Variants in SLC6A15 observed in about 807,000 individuals in gnomAD.
SLC6A15 encodes the protein sodium-dependent neutral amino acid transporter B(0)AT2.
A neutral mutation model predicts 68.5 loss-of-function variants in SLC6A15; 33 were observed. The observed-to-expected ratio is 0.48, with a 90% CI of 0.37 to 0.64. The LOEUF is 0.64. SLC6A15 is among the 30% of genes least tolerant of loss of function. The pLI, the probability that SLC6A15 is intolerant of heterozygous loss-of-function variation, is 0.00. For synonymous variants in SLC6A15, 347 were observed against 301.0 expected (o/e 1.15, Z -1.58); for missense variants, 747 against 874.3 (o/e 0.85, Z 1.84).
chr12:84,875,413 AC>A (rs1344441351), intron 6 of SLC6A15, among the ~76,000 whole-genome samples: 2 of 151,854 alleles, frequency 1.3e-5, no homozygotes, highest in Non-Finnish European at 2.9e-5. Flanking sequence ...CCAACTCAGA[AC>A]CACACACACA....
chr12:84,874,832 T>C (rs1871445960), intron 6 of SLC6A15, among the ~76,000 whole-genome samples: 1 of 152,338 alleles, frequency 6.6e-6, no homozygotes, highest in Non-Finnish European at 1.5e-5. Context: ...AAGTATTTGA[T>C]GTGCTTATGT....
Position 84,872,782 on chromosome 12 carries a change from C to A in SLC6A15, c.1122G>T (p.Thr374=). 6.2e-7 allele frequency: 1 copy of A among 1,601,740 alleles called. No individual in the cohort carries two copies. Among genetic ancestry groups the A allele is most frequent in the South Asian group, 1.1e-5 (1 of 88,082 alleles). The stretch of plus-strand genomic sequence containing the variant: ...TCCCCATTTTCAAAAATTTCATGAT[C>A]GTCTCTGAATTTCTGAAAAATAAAA... ...NEKCITQNSE[T]IMKFLKMGNI... Residue 374 remains threonine, a synonymous_variant, in exon 8 of 12, where the codon ACG becomes ACT. Coordinates refer to ENST00000266682, the MANE Select transcript of SLC6A15 (RefSeq NM_182767.6).
chr12:84,890,260 T>C (rs1372211362), intron 2 of SLC6A15, among the ~76,000 whole-genome samples: 4 of 152,218 alleles, frequency 2.6e-5, no homozygotes, highest in Non-Finnish European at 5.9e-5. Context: ...AGGAGCCATT[T>C]GTGCTAAGAA....
At chr12:84,910,630 A>C (rs1873391088) in intron 1 of SLC6A15, among the ~76,000 whole-genome samples, 2 of 152,072 alleles carry the variant, frequency 1.3e-5, no homozygotes, top group African/African-American at 4.8e-5. Flanking sequence ...CACGAGTTGG[A>C]CAAAGGCCTA....
intron 2 of SLC6A15, 149 bp downstream of exon 2, chr12:84,891,683 G>A (rs1394461738): frequency 2.6e-6 from 2 of 780,164 alleles, no homozygotes; most frequent in Non-Finnish European, 4.0e-6. Context: ...AACATATCTG[G>A]GCTCACTTCC....
intron 2 of SLC6A15, among the ~76,000 whole-genome samples, chr12:84,887,002 G>A (rs1361402489): frequency 6.6e-6 from 1 of 152,084 alleles, no homozygotes; most frequent in Non-Finnish European, 1.5e-5. Flanking sequence ...AAGTACAGTG[G>A]TGTGATCACT....
At chr12:84,895,705 GCA>G (rs957597172) in intron 1 of SLC6A15, among the ~76,000 whole-genome samples, 8 of 152,092 alleles carry the variant, frequency 5.3e-5, no homozygotes, top group African/African-American at 1.2e-4. Context: ...GACTTCTTGT[GCA>G]CAGTTTTCAT....
intron 4 of SLC6A15, among the ~76,000 whole-genome samples, chr12:84,884,994 T>G (rs2120641337): frequency 6.6e-6 from 1 of 152,046 alleles, no homozygotes; most frequent in East Asian, 1.9e-4. Flanking sequence ...GTGACTGCTC[T>G]TTATAATATT....
rs61734360 is a variant in SLC6A15 at position 84,873,136 on chromosome 12, C to A, written c.1060G>T (p.Ala354Ser). The change falls in exon 7 of 12, where the codon GCA becomes TCA. Residue 354 changes from alanine (A) to serine (S), a missense_variant. Coordinates refer to ENST00000266682, the MANE Select transcript of SLC6A15 (RefSeq NM_182767.6). Reference sequence around the variant, plus strand: ...ACATTTGCTTTGAAGCCCAGAACTGCAAACACCACCAATGTTGCCAGGACA... The same window carrying A: ...ACATTTGCTTTGAAGCCCAGAACTGAAAACACCACCAATGTTGCCAGGACA... ...TSVLATLVVF[A>S]VLGFKANVIN... 5.0e-6 allele frequency: 8 copies of A among 1,613,938 alleles called. No homozygotes were observed. Among genetic ancestry groups the A allele is most frequent in the African/African-American group, 4.0e-5 (3 of 74,892 alleles).
At chr12:84,895,948 GTA>G (rs1349418411) in intron 1 of SLC6A15, among the ~76,000 whole-genome samples, 1 of 152,120 alleles carries the variant, frequency 6.6e-6, no homozygotes, top group African/African-American at 2.4e-5. Flanking sequence ...TGCCAAAAAT[GTA>G]TTACAATTGT....
chr12:84,899,550 G>GT (rs1872764867), intron 1 of SLC6A15, among the ~76,000 whole-genome samples: 1 of 152,052 alleles, frequency 6.6e-6, no homozygotes, highest in Non-Finnish European at 1.5e-5. Flanking sequence ...TCATTGCCAA[G>GT]CATCCCATTG....
chr12:84,881,363 G>T, intron 5 of SLC6A15: 1 of 720,262 alleles, frequency 1.4e-6, no homozygotes, highest in Non-Finnish European at 1.7e-6. Context: ...CCCACTATTT[G>T]ATCATAGTTT....
At chr12:84,886,220 T>C (rs1387995544) in intron 2 of SLC6A15, 152 bp from the exon 3 acceptor site, 2 of 437,238 alleles carry the variant, frequency 4.6e-6, no homozygotes, top group Non-Finnish European at 7.8e-6. Flanking sequence ...CTTTGCACTT[T>C]CTAGATTCTG....
intron 1 of SLC6A15, among the ~76,000 whole-genome samples, chr12:84,912,257 C>T (rs943795725): frequency 2.0e-5 from 3 of 152,142 alleles, no homozygotes; most frequent in African/African-American, 7.2e-5. Flanking sequence ...CGTTTCAACC[C>T]ATGTGCTTCC....
At chr12:84,900,150 A>T (rs1872794845) in intron 1 of SLC6A15, among the ~76,000 whole-genome samples, 1 of 151,966 alleles carries the variant, frequency 6.6e-6, no homozygotes, top group South Asian at 2.1e-4. Context: ...CATGTCTTTA[A>T]TTTCTCTCAA....
intron 1 of SLC6A15, among the ~76,000 whole-genome samples, chr12:84,911,033 G>T (rs942680349): frequency 6.6e-6 from 1 of 151,938 alleles, no homozygotes; most frequent in Non-Finnish European, 1.5e-5. Context: ...TATTAAGAAC[G>T]TACAAGTCAA....
chr12:84,862,086 T>C lies in SLC6A15; in HGVS notation c.1819-80A>G, dbSNP rs1870878838. The C allele has an allele frequency of 2.9e-6, 4 of 1,401,132 alleles. No individual in the cohort carries two copies. The South Asian group carries it at 6.0e-5, about 21-fold the overall frequency. 86.8% of individuals were successfully genotyped at this position (1,401,132 alleles called of 1,614,324 possible). ...TAAAATATTGTACTTGCTTCAAGTT[T>C]GTAAGCAAAGAATCTGGGCTGGCTT... is the stretch of plus-strand genomic sequence containing the variant. On this transcript the variant is annotated intron_variant, in intron 11 of 11. Coordinates refer to ENST00000266682, the MANE Select transcript of SLC6A15 (RefSeq NM_182767.6).
At chr12:84,888,805 C>T (rs1565728514) in intron 2 of SLC6A15, among the ~76,000 whole-genome samples, 2 of 152,116 alleles carry the variant, frequency 1.3e-5, no homozygotes, top group Non-Finnish European at 2.9e-5. Context: ...ATGCTGGATA[C>T]CTTGAACTAA....
chr12:84,888,912 C>G (rs939011896), intron 2 of SLC6A15, among the ~76,000 whole-genome samples: 5 of 152,136 alleles, frequency 3.3e-5, no homozygotes, highest in Non-Finnish European at 5.9e-5. Context: ...GTCACAGACA[C>G]AAGATTTCTT....
Sources: allele counts gnomAD v4.1 joint callset (sites outside exome capture counted in the v4.1 genomes callset), GRCh38; gene constraint gnomAD v4.1.1; transcripts MANE v1.5; gene names NCBI Gene and HGNC (gene_info 2026-07-23, HGNC 2026-07-21).